Variants in WNT5B observed in about 807,000 individuals in gnomAD.
WNT5B encodes the protein protein Wnt-5b.
A neutral mutation model predicts 36.5 loss-of-function variants in WNT5B; 18 were observed. The observed-to-expected ratio is 0.49, with a 90% CI of 0.34 to 0.73. WNT5B has a LOEUF of 0.73. Among genes scored for constraint, WNT5B ranks in the 30% least tolerant of loss-of-function variants. The probability of loss-of-function intolerance (pLI) is 0.01; values close to 1 mark genes in which losing one functional copy is unlikely to be tolerated. For missense variants in WNT5B, 424 were observed against 508.4 expected, an observed-to-expected ratio of 0.83 and a Z score of 1.60; for synonymous variants, 213 against 212.3, an observed-to-expected ratio of 1.00 and a Z score of -0.03.
intron 3 of WNT5B, among the ~76,000 whole-genome samples, 180 bp from the exon 4 acceptor site, chr12:1,639,504 C>T (rs1317224609): frequency 1.3e-5 from 2 of 152,154 alleles, no homozygotes; most frequent in Non-Finnish European, 2.9e-5. Flanking sequence ...AGTAAAACAG[C>T]AGATTTCAGC....
intron 3 of WNT5B, among the ~76,000 whole-genome samples, chr12:1,638,451 A>G (rs1192874764): frequency 6.6e-6 from 1 of 152,148 alleles, no homozygotes; most frequent in Non-Finnish European, 1.5e-5. Context: ...ATTCCCACCC[A>G]CAGTATGGGA....
At chr12:1,639,610 G>C (rs1592534547) in intron 3 of WNT5B, 74 bp from the exon 4 acceptor site, 6 of 1,421,460 alleles carry the variant, frequency 4.2e-6, no homozygotes, top group South Asian at 1.5e-5. Context: ...GGGTCCGTCG[G>C]GGGAGACGGG....
At position 1,639,845 on chromosome 12, in the gene WNT5B, A is replaced by G; in HGVS notation, c.490A>G (p.Asn164Asp). The change falls in exon 4 of 5, where the codon AAC (asparagine) becomes GAC (aspartate). Residue 164 changes from asparagine (N) to aspartate (D), a missense_variant. By Grantham distance (23) the Asn-to-Asp change is conservative. Coordinates refer to ENST00000397196, the MANE Select transcript of WNT5B (RefSeq NM_032642.3). Reference protein sequence around the residue: ...RDWLWGGCGDNVEYGYRFAKE... With the variant: ...RDWLWGGCGDDVEYGYRFAKE... ...CTGGCTGTGGGGCGGCTGTGGGGAC[A>G]ACGTGGAGTACGGCTACCGCTTCGC... is the stretch of plus-strand genomic sequence containing the variant. 1 of 1,613,922 alleles carries G rather than the reference A, an allele frequency of 6.2e-7. No homozygotes were observed. Among genetic ancestry groups the G allele is most frequent in the Non-Finnish European group, 8.5e-7 (1 of 1,179,900 alleles).
chr12:1,624,277 T>G (rs994024096), upstream of WNT5B, among the ~76,000 whole-genome samples: 2 of 149,574 alleles, frequency 1.3e-5, no homozygotes, highest in South Asian at 4.2e-4. Context: ...TCCCAGCTAC[T>G]CGGGAGGCTG....
At position 1,631,385 on chromosome 12, in the gene WNT5B, G is replaced by A. The variant is rs2094550536; in HGVS notation, c.31G>A (p.Ala11Thr). 1 of 1,614,204 alleles carries A rather than the reference G, an allele frequency of 6.2e-7. No homozygotes were observed. Among genetic ancestry groups the A allele is most frequent in the Non-Finnish European group, 8.5e-7 (1 of 1,180,046 alleles). The change falls in exon 2 of 5, where the codon GCT (alanine) becomes ACT (threonine). Residue 11 changes from alanine to threonine, a missense_variant. By Grantham distance (58) the Ala-to-Thr change is moderately conservative (BLOSUM62 0). Coordinates refer to ENST00000397196, the MANE Select transcript of WNT5B (RefSeq NM_032642.3). ...CAGCCTGCTGCTGCTGTTCACGGCT[G>A]CTCTGCTGTCCAGCTGGGCTCAGCT... Reference protein sequence around the residue: MPSLLLLFTAALLSSWAQLLT... With the variant: MPSLLLLFTATLLSSWAQLLT...
At chr12:1,637,204 C>T (rs1298661474) in intron 3 of WNT5B, among the ~76,000 whole-genome samples, 1 of 152,060 alleles carries the variant, frequency 6.6e-6, no homozygotes, top group Non-Finnish European at 1.5e-5. Flanking sequence ...ATTTTGATTA[C>T]CCATTTATCC....
At chr12:1,642,945 C>A (rs528756236) in intron 4 of WNT5B, among the ~76,000 whole-genome samples, 1 of 152,322 alleles carries the variant, frequency 6.6e-6, no homozygotes, top group Admixed American at 6.5e-5. Context: ...CCTCGGCCAT[C>A]AGTCACCATC....
Position 1,632,472 on chromosome 12 carries a change from G to A in WNT5B, c.81-186G>A, listed in dbSNP as rs567090262. Among the ~76,000 whole-genome samples the A allele has an allele frequency of 3.3e-5, 5 of 152,322 alleles. No individual in the cohort carries two copies. The highest frequency in any genetic ancestry group is 7.3e-5 in the Non-Finnish European group (5 of 68,034). ...ATTTGGCATCTCGCATGTCCTTTGT[G>A]TTCATGCCTCAGATTCCTTCAGTTT... On this transcript the variant is annotated intron_variant, in intron 2 of 4. Transcript: ENST00000397196. The surrounding 1 kb of genome is among the most constrained non-coding windows in gnomAD (Gnocchi z 5.8).
intron 1 of WNT5B, among the ~76,000 whole-genome samples, chr12:1,617,308 A>C (rs1334656591): frequency 5.5e-5 from 3 of 54,756 alleles, no homozygotes; most frequent in Non-Finnish European, 1.3e-4. Context: ...TATGTAATAT[A>C]TAAAATATAT....
At chr12:1,642,577 G>T (rs114044987) in intron 4 of WNT5B, among the ~76,000 whole-genome samples, 1 of 152,128 alleles carries the variant, frequency 6.6e-6, no homozygotes, top group African/African-American at 2.4e-5. Context: ...TTGCCTCCTC[G>T]GGAGAGGTCA....
Position 1,630,032 on chromosome 12 carries a change from G to T in WNT5B, c.-58+661G>T. 1 of 799,992 alleles carries T rather than the reference G, an allele frequency of 1.3e-6. No homozygotes were observed. The highest frequency in any genetic ancestry group is 1.5e-6 in the Non-Finnish European group (1 of 660,074). The allele number at this position is 799,992 out of a possible 1,614,324, so 49.6% of individuals were successfully genotyped here. ...AGGCTTCGAGAAGGAAAATCAAAAG[G>T]GGGCTTGGGGAAGGGCTGTGTCCCA... On this transcript the variant is annotated intron_variant, in intron 1 of 4. Transcript: ENST00000397196. This position sits in a 1 kb window ranked among gnomAD's most constrained non-coding sequence, Gnocchi z 5.3.
Position 1,630,792 on chromosome 12 carries a change from T to G in WNT5B, c.-57-506T>G, listed in dbSNP as rs1276635675. 6.5e-6 allele frequency: 1 copy of G among 152,874 alleles called. No homozygotes were observed. Among genetic ancestry groups the G allele is most frequent in the African/African-American group, 2.4e-5 (1 of 41,460 alleles). The allele number at this position is 152,874 out of a possible 1,614,324, so 9.5% of individuals were successfully genotyped here. On this transcript the variant is annotated intron_variant, in intron 1 of 4. Transcript: ENST00000397196. This position sits in a 1 kb window ranked among gnomAD's most constrained non-coding sequence, Gnocchi z 5.3. ...GGCGCAGATGGAGAGGGGAGACTCC[T>G]CCCTGGGTGCAGGTAAATCCAATTC...
chr12:1,625,971 TTC>T (rs1420971602), upstream of WNT5B, among the ~76,000 whole-genome samples: 45 of 148,784 alleles, frequency 3.0e-4, no homozygotes, highest in East Asian at 3.5e-3. Flanking sequence ...CCTGTTTTTT[TTC>T]TCTCTCTTTT....
chr12:1,622,173 T>G (rs537544918), intron 1 of WNT5B, among the ~76,000 whole-genome samples: 141 of 147,072 alleles, frequency 9.6e-4, no homozygotes, highest in Middle Eastern at 3.5e-3. Context: ...TGCAGTGGCG[T>G]GATCTCGGCT....
At chr12:1,637,987 G>A (rs1188601513) in intron 3 of WNT5B, among the ~76,000 whole-genome samples, 14 of 152,130 alleles carry the variant, frequency 9.2e-5, no homozygotes, top group African/African-American at 3.1e-4. Flanking sequence ...GGTGGCTCAC[G>A]CCTCTAATCC....
In WNT5B at chr12:1,647,174, G is replaced by C. The variant is rs1321523941; in HGVS notation, c.*922G>C. 6.6e-6 allele frequency: 1 copy of C among 152,274 alleles called. No homozygotes were observed. The highest frequency in any genetic ancestry group is 1.5e-5 in the Non-Finnish European group (1 of 68,116). The allele number at this position is 152,274 out of a possible 1,614,324, so 9.4% of individuals were successfully genotyped here. A position where few individuals can be genotyped will look rare whatever the true frequency, so the allele number is the denominator to read the frequency against. ...GGCGTGCTCATCATCTCTGCCCCAGGTGTACGGTTTCTCTCTGACATTAAA... is the reference window on the plus strand; with the variant it reads ...GGCGTGCTCATCATCTCTGCCCCAGCTGTACGGTTTCTCTCTGACATTAAA... On this transcript the variant is annotated 3_prime_UTR_variant, in exon 5 of 5. Coordinates refer to ENST00000397196, the MANE Select transcript of WNT5B (RefSeq NM_032642.3).
rs1650378166 is a variant in WNT5B, at chr12:1,630,061, C to G, written c.-58+690C>G. On this transcript the variant is annotated intron_variant, in intron 1 of 4. Coordinates refer to ENST00000397196, the MANE Select transcript of WNT5B (RefSeq NM_032642.3). The surrounding 1 kb of genome is among the most constrained non-coding windows in gnomAD (Gnocchi z 5.3). ...CTTGGGGAAGGGCTGTGTCCCAGCT[C>G]TCCTGGACCCTGCTCGGGCCACTGT... is the stretch of plus-strand genomic sequence containing the variant. 2 of 932,372 alleles carry G rather than the reference C, an allele frequency of 2.1e-6. No homozygotes were observed. The highest frequency in any genetic ancestry group is 2.6e-6 in the Non-Finnish European group (2 of 781,578). The allele number at this position is 932,372 out of a possible 1,614,324, so 57.8% of individuals were successfully genotyped here.
chr12:1,645,176 G>T (rs757287066), intron 4 of WNT5B: 1 of 152,378 alleles, frequency 6.6e-6, no homozygotes, highest in Non-Finnish European at 1.5e-5. Context: ...GATACAATTG[G>T]ATTCTTTTTT....
intron 4 of WNT5B, among the ~76,000 whole-genome samples, 184 bp downstream of exon 4, chr12:1,640,160 C>G (rs1310283214): frequency 6.6e-6 from 1 of 152,234 alleles, no homozygotes. Flanking sequence ...GCCCCACTTC[C>G]CAATGGGCAT....
Sources: gnomAD v4.1 joint callset for allele counts (sites outside exome capture counted in the v4.1 genomes callset) on GRCh38, gnomAD v4.1.1 for gene constraint, Gnocchi (gnomAD v3.1) non-coding constraint, MANE v1.5 for transcripts, NCBI Gene and HGNC (gene_info 2026-07-23, HGNC 2026-07-21) for gene names.